The following CAPN2 variants were observed in gnomAD, a reference collection of about 807,000 sequenced individuals.
CAPN2 encodes calpain 2, also known as calpain-2 catalytic subunit.
In CAPN2, 92 loss-of-function variants were observed where a neutral mutation model predicts 102.3. The ratio of observed to expected loss-of-function variants is 0.90; its 90% CI spans 0.76 to 1.07. The LOEUF (loss-of-function observed/expected upper bound fraction) is 1.07. Among genes scored for constraint, CAPN2 ranks in the 50% least tolerant of loss-of-function variants. The probability of loss-of-function intolerance (pLI) is 0.00; values close to 1 mark genes in which losing one functional copy is unlikely to be tolerated. For missense variants in CAPN2, 800 were observed against 909.4 expected, an observed-to-expected ratio of 0.88 and a Z score of 1.55; for synonymous variants, 340 against 355.4, an observed-to-expected ratio of 0.96 and a Z score of 0.49.
At chr1:223,768,828 G>A (rs2102816043) in intron 16 of CAPN2, among the ~76,000 whole-genome samples, 1 of 151,816 alleles carries the variant, frequency 6.6e-6, no homozygotes, top group Admixed American at 6.6e-5. Context: ...AGCATGGAAT[G>A]TTCTTCCATT....
At chr1:223,751,022 C>T (rs546788617) in intron 7 of CAPN2, 47 bp downstream of exon 7, 2 of 1,384,538 alleles carry the variant, frequency 1.4e-6, no homozygotes, top group African/African-American at 1.4e-5. Context: ...GTGCATTGTG[C>T]TGGGAGGCTC....
chr1:223,744,805 G>A (rs1393731739), intron 3 of CAPN2, among the ~76,000 whole-genome samples: 1 of 152,150 alleles, frequency 6.6e-6, no homozygotes, highest in East Asian at 1.9e-4. Flanking sequence ...AGGTTGGGAG[G>A]CCAAGGTGGG....
intron 11 of CAPN2, chr1:223,758,759 A>G (rs1661104924): frequency 5.6e-6 from 1 of 179,940 alleles, no homozygotes. Context: ...TGGTGTGATC[A>G]TAGCTCACTG....
At chr1:223,714,764 C>G (rs1458057532) in intron 1 of CAPN2, among the ~76,000 whole-genome samples, 1 of 152,106 alleles carries the variant, frequency 6.6e-6, no homozygotes, top group Non-Finnish European at 1.5e-5. Flanking sequence ...TCTCGAATAC[C>G]TACTATATGC....
intron 1 of CAPN2, among the ~76,000 whole-genome samples, chr1:223,705,364 AC>A (rs1446056310): frequency 2.0e-5 from 3 of 152,216 alleles, no homozygotes; most frequent in African/African-American, 7.2e-5. Flanking sequence ...GAAATGACAT[AC>A]TGACCACCAT....
Position 223,744,135 on chromosome 1 carries a change from A to G in CAPN2, c.343A>G (p.Thr115Ala), listed in dbSNP as rs950925577. Reference sequence around the variant, plus strand: ...GCTGCTGGCAGCCATTGCCTCCCTCACCTTGAATGAAGAAATCCTGGCTCG... The same window carrying G: ...GCTGCTGGCAGCCATTGCCTCCCTCGCCTTGAATGAAGAAATCCTGGCTCG... ...CWLLAAIASL[T>A]LNEEILARVV... Residue 115 changes from threonine to alanine, a missense_variant, in exon 3 of 21, where the codon ACC becomes GCC. Transcript: ENST00000295006. The G allele has an allele frequency of 2.5e-6, 4 of 1,613,948 alleles. No homozygotes were observed. The East Asian group carries it at 6.7e-5, about 27-fold the overall frequency.
In CAPN2 at chr1:223,748,982, G is replaced by A. The variant is rs563832566; in HGVS notation, c.730-57G>A. On this transcript the variant is annotated intron_variant, in intron 5 of 20. Transcript: ENST00000295006. Reference sequence around the variant, plus strand: ...CGGCAGTAGGACAGAGGGAGCGAGGGAGTCCGGGAGGAAGGGAGAGCGGGT... The same window carrying A: ...CGGCAGTAGGACAGAGGGAGCGAGGAAGTCCGGGAGGAAGGGAGAGCGGGT... 3.0e-4 allele frequency: 453 copies of A among 1,486,964 alleles called. 1 individual carries two copies. Among genetic ancestry groups the A allele is most frequent in the Non-Finnish European group, 3.9e-4 (411 of 1,065,490 alleles). The allele number at this position is 1,486,964 out of a possible 1,614,324, so 92.1% of individuals were successfully genotyped here.
At chr1:223,739,540 TC>T (rs560733217) in intron 2 of CAPN2, among the ~76,000 whole-genome samples, 1 of 151,892 alleles carries the variant, frequency 6.6e-6, no homozygotes, top group South Asian at 2.1e-4. Context: ...AACTGAACAT[TC>T]CCCCCGGAGA....
intron 15 of CAPN2, among the ~76,000 whole-genome samples, chr1:223,764,838 T>A (rs1213541916): frequency 6.6e-6 from 1 of 152,222 alleles, no homozygotes; most frequent in African/African-American, 2.4e-5. Context: ...TCTGCCCACC[T>A]CGGCCTCCCA....
chr1:223,772,035 A>C (rs1661490933), intron 19 of CAPN2, 110 bp downstream of exon 19: 2 of 1,121,936 alleles, frequency 1.8e-6, no homozygotes, highest in African/African-American at 3.1e-5. Context: ...CCAGGAGTTG[A>C]GAATGAAATT....
At chr1:223,748,862 G>A (rs1295621150) in intron 5 of CAPN2, among the ~76,000 whole-genome samples, 177 bp from the exon 6 acceptor site, 1 of 152,248 alleles carries the variant, frequency 6.6e-6, no homozygotes, top group East Asian at 1.9e-4. Context: ...GCATTTGAAC[G>A]GGGTAGGAAA....
intron 1 of CAPN2, among the ~76,000 whole-genome samples, chr1:223,703,619 C>T (rs1225620528): frequency 1.3e-5 from 2 of 152,242 alleles, no homozygotes; most frequent in Non-Finnish European, 2.9e-5. Flanking sequence ...ACCACACCGC[C>T]TTTCCTTCCC....
intron 1 of CAPN2, among the ~76,000 whole-genome samples, chr1:223,705,616 A>T (rs1043567853): frequency 1.3e-5 from 2 of 152,176 alleles, no homozygotes; most frequent in Admixed American, 6.5e-5. Context: ...GAGCTTGCTG[A>T]TGGGAATTAT....
rs531694081 is a variant in CAPN2, at chr1:223,733,208, C to T, written c.308-10892C>T. Among the ~76,000 whole-genome samples, 3 of 152,206 alleles carry T rather than the reference C, an allele frequency of 2.0e-5. No homozygotes were observed. In the East Asian group the frequency reaches 5.8e-4, roughly 29 times the overall value. The stretch of plus-strand genomic sequence containing the variant: ...TCAGCCCAGCCTCTCCTGCACTCCC[C>T]CTCCCCTGGCTCCCCAACTCTGCCT... On this transcript the variant is annotated intron_variant, in intron 2 of 20. Transcript: ENST00000295006.
At chr1:223,721,656 G>A (rs1660054400) in intron 2 of CAPN2, among the ~76,000 whole-genome samples, 1 of 152,214 alleles carries the variant, frequency 6.6e-6, no homozygotes, top group Non-Finnish European at 1.5e-5. Flanking sequence ...GAGGTGTTTA[G>A]CTACAGGGTG....
At chr1:223,729,890 C>T (rs1413637655) in intron 2 of CAPN2, among the ~76,000 whole-genome samples, 1 of 151,522 alleles carries the variant, frequency 6.6e-6, no homozygotes, top group Admixed American at 6.6e-5. Flanking sequence ...GTAGTCCCAG[C>T]TACTCAGAGG....
At chr1:223,703,240 T>C (rs989694297) in intron 1 of CAPN2, among the ~76,000 whole-genome samples, 6 of 152,136 alleles carry the variant, frequency 3.9e-5, no homozygotes, top group Non-Finnish European at 8.8e-5. Context: ...TCTGTAAACA[T>C]GGAAACAATG....
intron 15 of CAPN2, 32 bp from the exon 16 acceptor site, chr1:223,766,335 A>AT (rs1475840923): frequency 1.9e-6 from 3 of 1,571,554 alleles, no homozygotes; most frequent in East Asian, 2.2e-5. Flanking sequence ...CCGCTCAGAG[A>AT]TTTTTCCTGT....
At chr1:223,735,820 C>A (rs1019619397) in intron 2 of CAPN2, among the ~76,000 whole-genome samples, 13 of 151,484 alleles carry the variant, frequency 8.6e-5, no homozygotes, top group Admixed American at 7.2e-4. Flanking sequence ...CGATCTGTTG[C>A]CCAGGCTGGA....
Sources: allele counts gnomAD v4.1 joint callset (sites outside exome capture counted in the v4.1 genomes callset), GRCh38; gene constraint gnomAD v4.1.1; transcripts MANE v1.5; gene names NCBI Gene and HGNC (gene_info 2026-07-23, HGNC 2026-07-21).